Variants in MFN2 observed in about 807,000 individuals in gnomAD.
The protein encoded by MFN2 is mitofusin 2, also known as mitofusin-2.
In MFN2, 43 loss-of-function variants were observed where a neutral mutation model predicts 87.5. The observed-to-expected ratio is 0.49, with a 90% CI of 0.38 to 0.63. MFN2 has a LOEUF of 0.63. Among genes scored for constraint, MFN2 ranks in the 30% least tolerant of loss-of-function variants. MFN2 has a pLI of 0.00. For synonymous variants in MFN2, 337 were observed against 359.9 expected, an observed-to-expected ratio of 0.94 and a Z score of 0.72; for missense variants, 743 against 972.8, an observed-to-expected ratio of 0.76 and a Z score of 3.14.
At chr1:11,998,169 A>G (rs557376314) in intron 6 of MFN2, among the ~76,000 whole-genome samples, 131 of 151,912 alleles carry the variant, frequency 8.6e-4, no homozygotes, top group African/African-American at 3.1e-3. Context: ...GGCATGAGCC[A>G]CTGTGCCCCG....
chr1:11,981,040 C>T (rs182160334), intron 1 of MFN2, among the ~76,000 whole-genome samples: 2 of 152,306 alleles, frequency 1.3e-5, no homozygotes, highest in East Asian at 1.9e-4. Context: ...CTGCCCGTTA[C>T]CCCCTCTCGT....
chr1:12,004,039 T>G lies in MFN2; in HGVS notation c.1208T>G (p.Phe403Cys), dbSNP rs769905428. Residue 403 changes from phenylalanine (F) to cysteine (C), a missense_variant, in exon 12 of 19, where the codon TTT becomes TGT. This residue lies in a region of MFN2 where 571 missense variants were observed against 670.7 expected (regional missense o/e 0.85). Coordinates refer to ENST00000235329, the MANE Select transcript of MFN2 (RefSeq NM_014874.4). The surrounding 1 kb of genome is among the most constrained non-coding windows in gnomAD (Gnocchi z 4.2). ...MREERQDRLK[F>C]IDKQLELLAQ... ...GAAGAGCGGCAAGACCGACTGAAATTTATTGACAAACAGCTGGAGCTCTTG... is the reference window on the plus strand; with the variant it reads ...GAAGAGCGGCAAGACCGACTGAAATGTATTGACAAACAGCTGGAGCTCTTG... 1.7e-5 allele frequency: 27 copies of G among 1,613,966 alleles called. No individual in the cohort carries two copies. Among genetic ancestry groups the G allele is most frequent in the Admixed American group, 6.7e-5 (4 of 59,978 alleles).
intron 2 of MFN2, among the ~76,000 whole-genome samples, chr1:11,983,922 T>A (rs1638274924): frequency 6.6e-6 from 1 of 152,164 alleles, no homozygotes; most frequent in African/African-American, 2.4e-5. Flanking sequence ...AATCTCAGCT[T>A]GCAAGTTAGC....
In MFN2 at chr1:11,991,690, C is replaced by T. The variant is rs569838766; in HGVS notation, c.176-865C>T. 2.1e-3 allele frequency among the ~76,000 whole-genome samples: 312 copies of T among 151,946 alleles called. 1 individual carries two copies. The highest frequency in any genetic ancestry group is 7.1e-3 in the African/African-American group (293 of 41,434). ...CTGTGATCCCAGCACTTTGGGAGGC[C>T]GAGGCGGGCGGATCACGAGGTCAGG... On this transcript the variant is annotated intron_variant, in intron 3 of 18. Transcript: ENST00000235329.
rs140234726 is a variant in MFN2 at position 11,999,028 on chromosome 1, G to A, written c.749G>A (p.Arg250Gln). ...FFHKVSERLSRPNIFILNNRW... is the reference protein window; with the variant it reads ...FFHKVSERLSQPNIFILNNRW... ...CACAAGGTGAGTGAGCGTCTCTCCC[G>A]GCCAAACATCTTCATCCTGAACAAC... is the stretch of plus-strand genomic sequence containing the variant. Residue 250 changes from arginine to glutamine, a missense_variant, in exon 8 of 19, where the codon CGG becomes CAG. Around this residue, in one of 3 missense-constraint regions of MFN2, gnomAD observed 571 missense variants for 670.7 expected, o/e 0.85. Transcript: ENST00000235329. The A allele has an allele frequency of 3.5e-4, 571 of 1,614,068 alleles. 1 individual carries two copies. The highest frequency in any genetic ancestry group is 4.3e-4 in the Non-Finnish European group (510 of 1,180,014).
chr1:12,005,624 GCTGGTAGAGCC>G, intron 14 of MFN2, 76 bp from the exon 15 acceptor site: 1 of 1,345,238 alleles, frequency 7.4e-7, no homozygotes, highest in Non-Finnish European at 1.1e-6. Flanking sequence ...CCTGGCAGTA[GCTGGTAGAGCC>G]CTGTCTCCAA....
chr1:12,013,425 A>C lies in MFN2; in HGVS notation c.*1860A>C, dbSNP rs904646966. 2.2e-6 allele frequency: 1 copy of C among 464,732 alleles called. No individual in the cohort carries two copies. Among genetic ancestry groups the C allele is most frequent in the South Asian group, 1.6e-5 (1 of 62,614 alleles). 28.8% of individuals were successfully genotyped at this position (464,732 alleles called of 1,614,324 possible). ...TGACACAGTGAGTTTTCTCTGATGT[A>C]TTTAAGGTGATGTATTTGCTTGAGT... On this transcript the variant is annotated 3_prime_UTR_variant, in exon 19 of 19. Transcript: ENST00000235329.
chr1:12,005,488 A>C (rs570797191), intron 14 of MFN2, among the ~76,000 whole-genome samples: 70 of 152,344 alleles, frequency 4.6e-4, no homozygotes, highest in African/African-American at 1.7e-3. Context: ...CACGTGAGGC[A>C]TAAGTGTTAG....
At chr1:12,007,749 A>T (rs116375868) in intron 17 of MFN2, among the ~76,000 whole-genome samples, 1,918 of 151,798 alleles carry the variant, frequency 0.013, 29 homozygotes, top group African/African-American at 0.043. Context: ...ATGTTGTCTT[A>T]TAGCCATCTC....
In MFN2 at chr1:12,003,484, G is replaced by T. The variant is rs983233850; in HGVS notation, c.1161-508G>T. On this transcript the variant is annotated intron_variant, in intron 11 of 18. Coordinates refer to ENST00000235329, the MANE Select transcript of MFN2 (RefSeq NM_014874.4). The surrounding 1 kb of genome is among the most constrained non-coding windows in gnomAD (Gnocchi z 4.1). Reference sequence around the variant, plus strand: ...GTTCAAGACCAGCCTGACCAACACGGAGAAACCCTGTCTCTGCTAAAAATA... The same window carrying T: ...GTTCAAGACCAGCCTGACCAACACGTAGAAACCCTGTCTCTGCTAAAAATA... Among the ~76,000 whole-genome samples, 4 of 152,214 alleles carry T rather than the reference G, an allele frequency of 2.6e-5. No individual in the cohort carries two copies. The highest frequency in any genetic ancestry group is 5.9e-5 in the Non-Finnish European group (4 of 68,044).
intron 2 of MFN2, among the ~76,000 whole-genome samples, chr1:11,986,275 T>C (rs1638402773): frequency 6.6e-6 from 1 of 152,204 alleles, no homozygotes; most frequent in Non-Finnish European, 1.5e-5. Context: ...TTGGAAGTTT[T>C]TCACGTGTGC....
chr1:12,005,583 G>A, intron 14 of MFN2, 128 bp from the exon 15 acceptor site: 2 of 978,802 alleles, frequency 2.0e-6, no homozygotes, highest in Admixed American at 1.7e-5. Context: ...CTTGACTGGG[G>A]TGTGGTTCCC....
In MFN2 at chr1:11,989,232, G is replaced by A. The variant is rs1178355950; in HGVS notation, c.64G>A (p.Ala22Thr). Residue 22 changes from alanine (A) to threonine (T), a missense_variant, in exon 3 of 19, where the codon GCT becomes ACT. Around this residue, in one of 3 missense-constraint regions of MFN2, gnomAD observed 141 missense variants for 278.9 expected, o/e 0.51. Coordinates refer to ENST00000235329, the MANE Select transcript of MFN2 (RefSeq NM_014874.4). Reference protein sequence around the residue: ...VTVKKNKRHMAEVNASPLKHF... With the variant: ...VTVKKNKRHMTEVNASPLKHF... ...AGTCAAGAAAAATAAGAGACACATG[G>A]CTGAGGTGAATGCATCCCCACTTAA... 6.2e-7 allele frequency: 1 copy of A among 1,614,078 alleles called. No individual in the cohort carries two copies. The highest frequency in any genetic ancestry group is 8.5e-7 in the Non-Finnish European group (1 of 1,180,028).
intron 2 of MFN2, among the ~76,000 whole-genome samples, chr1:11,988,599 T>C (rs954154644): frequency 1.1e-4 from 17 of 152,058 alleles, no homozygotes; most frequent in African/African-American, 4.1e-4. Flanking sequence ...TGCAGTGGAC[T>C]GATCATAGGT....
intron 2 of MFN2, among the ~76,000 whole-genome samples, chr1:11,988,210 C>T (rs1233630486): frequency 6.6e-6 from 1 of 151,768 alleles, no homozygotes; most frequent in Non-Finnish European, 1.5e-5. Flanking sequence ...TCAAGCAATT[C>T]TCTGCCTCAG....
chr1:11,984,302 G>A (rs567702703), intron 2 of MFN2, among the ~76,000 whole-genome samples: 3 of 152,288 alleles, frequency 2.0e-5, no homozygotes, highest in African/African-American at 7.2e-5. Flanking sequence ...GCGGGTAAGG[G>A]AGTGGTGTGT....
rs1013726766 is a variant in MFN2, at chr1:12,004,403, C to T, written c.1288-106C>T. The T allele has an allele frequency of 1.9e-6, 2 of 1,071,992 alleles. No individual in the cohort carries two copies. Among genetic ancestry groups the T allele is most frequent in the Non-Finnish European group, 2.9e-6 (2 of 687,516 alleles). 66.4% of individuals were successfully genotyped at this position (1,071,992 alleles called of 1,614,324 possible). On this transcript the variant is annotated intron_variant, in intron 12 of 18. Coordinates refer to ENST00000235329, the MANE Select transcript of MFN2 (RefSeq NM_014874.4). The surrounding 1 kb of genome is among the most constrained non-coding windows in gnomAD (Gnocchi z 4.2). ...TTCCATAGAGGAGCTGAGGAGGCTG[C>T]TGGTTTGAGAGGAAGGATGTGCCAT...
intron 9 of MFN2, 82 bp from the exon 10 acceptor site, chr1:12,001,687 C>T (rs1380348014): frequency 2.5e-6 from 4 of 1,598,180 alleles, no homozygotes; most frequent in African/African-American, 1.3e-5. Flanking sequence ...TGCTCTTTAG[C>T]CAGTGGCTTG....
chr1:11,995,707 A>G (rs1205330713), intron 4 of MFN2, among the ~76,000 whole-genome samples: 1 of 152,152 alleles, frequency 6.6e-6, no homozygotes, highest in Non-Finnish European at 1.5e-5. Flanking sequence ...GGGACTCACA[A>G]GGTGGAGCTT....
Sources: allele counts gnomAD v4.1 joint callset (sites outside exome capture counted in the v4.1 genomes callset), GRCh38; gene constraint gnomAD v4.1.1; regional missense constraint gnomAD v4.1.1; non-coding constraint Gnocchi (gnomAD v3.1); transcripts MANE v1.5; gene names NCBI Gene and HGNC (gene_info 2026-07-23, HGNC 2026-07-21).